Variants in MBD5 observed in about 807,000 individuals in gnomAD.
MBD5 encodes the protein methyl-CpG-binding domain protein 5.
A neutral mutation model predicts 117.3 loss-of-function variants in MBD5; 13 were observed. The observed-to-expected ratio is 0.11, with a 90% confidence interval of 0.07 to 0.18. The LOEUF is 0.18. Ranked by LOEUF, MBD5 falls within the 10% of genes least tolerant of loss-of-function variation. The pLI, the probability that MBD5 is intolerant of heterozygous loss-of-function variation, is 1.00. For synonymous variants in MBD5, 727 were observed against 766.4 expected (o/e 0.95, Z 0.85); for missense variants, 1,879 against 2,093.8 (o/e 0.90, Z 2.00).
chr2:148,490,386 C>T lies in MBD5; in HGVS notation c.4754C>T (p.Pro1585Leu). ...AKSVNGCVPS[P>L]SDAKSISSED... ...AGCGTTAATGGGTGTGTGCCTAGCC[C>T]TTCAGATGCTAAAAGCATTAGTAGT... The change falls in exon 11 of 14, where the codon CCT (proline) becomes CTT (leucine). Residue 1585 changes from proline (P) to leucine (L), a missense_variant. Transcript: ENST00000642680. The T allele has an allele frequency of 6.2e-7, 1 of 1,614,102 alleles. No individual in the cohort carries two copies. The highest frequency in any genetic ancestry group is 8.5e-7 in the Non-Finnish European group (1 of 1,180,012).
chr2:148,163,794 T>A (rs1558954283), intron 1 of MBD5, among the ~76,000 whole-genome samples: 1 of 152,184 alleles, frequency 6.6e-6, no homozygotes, highest in African/African-American at 2.4e-5. Flanking sequence ...TTCATTTTTT[T>A]CATGTAGAAA....
intron 3 of MBD5, among the ~76,000 whole-genome samples, chr2:148,277,682 T>A (rs1701148464): frequency 6.6e-6 from 1 of 152,146 alleles, no homozygotes; most frequent in African/African-American, 2.4e-5. Flanking sequence ...TTTGTGCTCG[T>A]TTTGTTTTCT....
At chr2:148,321,610 CA>C (rs1473568353) in intron 3 of MBD5, among the ~76,000 whole-genome samples, 1 of 152,128 alleles carries the variant, frequency 6.6e-6, no homozygotes, top group Non-Finnish European at 1.5e-5. Context: ...ATCTATCAAT[CA>C]ATCACAAAAG....
rs116413446 is a variant in MBD5, at chr2:148,469,581, C to T, written c.1638C>T (p.Ala546=). The change falls in exon 8 of 14, where the codon GCC becomes GCT. Residue 546 remains alanine, a synonymous_variant. Coordinates refer to ENST00000642680, the MANE Select transcript of MBD5 (RefSeq NM_001378120.1). ...PSSAAFPTAS[A]GSSSVKSQPG... ...GTGCAGCTTTTCCTACTGCATCTGCCGGAAGTAGTTCTGTAAAGAGTCAGC... is the reference window on the plus strand; with the variant it reads ...GTGCAGCTTTTCCTACTGCATCTGCTGGAAGTAGTTCTGTAAAGAGTCAGC... 3.8e-3 allele frequency: 6,160 copies of T among 1,613,786 alleles called. 24 individuals are homozygous for T. Among genetic ancestry groups the T allele is most frequent in the Non-Finnish European group, 4.2e-3 (4,899 of 1,179,914 alleles).
intron 2 of MBD5, among the ~76,000 whole-genome samples, chr2:148,183,227 A>G (rs1482886157): frequency 2.0e-5 from 3 of 152,024 alleles, no homozygotes; most frequent in African/African-American, 7.2e-5. Context: ...TATCAATTTG[A>G]TATATAGTAT....
chr2:148,381,448 T>G (rs950980976), intron 4 of MBD5, among the ~76,000 whole-genome samples: 12 of 152,140 alleles, frequency 7.9e-5, no homozygotes, highest in Non-Finnish European at 1.6e-4. Context: ...CCATGAAATA[T>G]GGGACAATGT....
At chr2:148,226,077 A>G (rs1476744093) in intron 2 of MBD5, among the ~76,000 whole-genome samples, 2 of 151,406 alleles carry the variant, frequency 1.3e-5, no homozygotes, top group Non-Finnish European at 2.9e-5. Context: ...TTCAAGGCCA[A>G]TAACTCGTAG....
intron 2 of MBD5, among the ~76,000 whole-genome samples, chr2:148,215,087 A>C (rs1296168700): frequency 6.6e-6 from 1 of 152,154 alleles, no homozygotes; most frequent in Non-Finnish European, 1.5e-5. Flanking sequence ...AATTTCCTCT[A>C]AGCATTTTGT....
chr2:148,171,654 A>G (rs1448389262), intron 1 of MBD5, among the ~76,000 whole-genome samples: 1 of 152,234 alleles, frequency 6.6e-6, no homozygotes, highest in Non-Finnish European at 1.5e-5. Flanking sequence ...AAAAGCATCC[A>G]GATAGGAAAA....
chr2:148,412,325 GTA>G (rs1053642283), intron 4 of MBD5, among the ~76,000 whole-genome samples: 2 of 149,818 alleles, frequency 1.3e-5, no homozygotes, highest in African/African-American at 4.9e-5. Flanking sequence ...ATATATATAT[GTA>G]TATATATAGA....
intron 1 of MBD5, among the ~76,000 whole-genome samples, chr2:148,091,514 G>C (rs1283593402): frequency 6.6e-6 from 1 of 152,058 alleles, no homozygotes; most frequent in East Asian, 1.9e-4. Flanking sequence ...TATGCTTACA[G>C]CCAACTGATC....
At chr2:148,197,114 G>T (rs948737647) in intron 2 of MBD5, among the ~76,000 whole-genome samples, 4 of 152,088 alleles carry the variant, frequency 2.6e-5, no homozygotes, top group African/African-American at 9.7e-5. Flanking sequence ...AGAATATGGT[G>T]GAAGTGACTC....
At chr2:148,445,133 C>A (rs1706448370) in intron 4 of MBD5, among the ~76,000 whole-genome samples, 1 of 150,868 alleles carries the variant, frequency 6.6e-6, no homozygotes, top group Non-Finnish European at 1.5e-5. Context: ...TTTCTTTTTT[C>A]TTTTCTTTTA....
At chr2:148,343,965 C>A (rs575395577) in intron 4 of MBD5, among the ~76,000 whole-genome samples, 1 of 151,928 alleles carries the variant, frequency 6.6e-6, no homozygotes, top group Non-Finnish European at 1.5e-5. Flanking sequence ...ATCTTTAATC[C>A]ATTTTTAGTT....
At chr2:148,072,792 C>T (rs1333091366) in intron 1 of MBD5, among the ~76,000 whole-genome samples, 1 of 152,086 alleles carries the variant, frequency 6.6e-6, no homozygotes. Context: ...AAGGCTAGAT[C>T]AATTGGATCT....
At chr2:148,122,928 A>C (rs1204984665) in intron 1 of MBD5, among the ~76,000 whole-genome samples, 1 of 152,192 alleles carries the variant, frequency 6.6e-6, no homozygotes, top group Non-Finnish European at 1.5e-5. Flanking sequence ...TAGGATAGTG[A>C]ATGAGAGGCC....
At chr2:148,501,756 C>G (rs71413621) in intron 11 of MBD5, among the ~76,000 whole-genome samples, 375 of 152,236 alleles carry the variant, frequency 2.5e-3, no homozygotes, top group Non-Finnish European at 4.7e-3. Context: ...TAAAGCAAGA[C>G]AAGACAAAGG....
chr2:148,326,437 G>A (rs1702454605), intron 3 of MBD5, among the ~76,000 whole-genome samples: 1 of 152,230 alleles, frequency 6.6e-6, no homozygotes, highest in Admixed American at 6.5e-5. Flanking sequence ...ACAGTGGGGT[G>A]TTAAAATCTC....
chr2:148,251,255 C>T (rs1273868672), intron 3 of MBD5, among the ~76,000 whole-genome samples: 3 of 152,046 alleles, frequency 2.0e-5, no homozygotes, highest in East Asian at 1.9e-4. Context: ...CATTTCCATT[C>T]GACTCGAGAA....
Sources: gnomAD v4.1 joint callset for allele counts (sites outside exome capture counted in the v4.1 genomes callset) on GRCh38, gnomAD v4.1.1 for gene constraint, MANE v1.5 for transcripts, NCBI Gene and HGNC (gene_info 2026-07-23, HGNC 2026-07-21) for gene names.